FMN2: variants seen among roughly 807,000 people sequenced by gnomAD.
FMN2 encodes the protein formin-2.
FMN2 carries 51 observed loss-of-function variants against 142.3 expected under a neutral mutation model. That is an observed-to-expected ratio of 0.36 (90% CI 0.29 to 0.45). FMN2 has a LOEUF of 0.45. FMN2 is among the 20% of genes least tolerant of loss of function. The pLI is 1.00. For missense variants in FMN2, 1,936 were observed against 2,122.8 expected (o/e 0.91, Z 1.73); for synonymous variants, 882 against 869.8 (o/e 1.01, Z -0.25).
In FMN2 at chr1:240,208,719, C is replaced by T. The variant is rs746599147; in HGVS notation, c.3907C>T (p.Leu1303=). Residue 1303 remains leucine, a synonymous_variant, in exon 5 of 18, where the codon CTA becomes TTA. Coordinates refer to ENST00000319653, the MANE Select transcript of FMN2 (RefSeq NM_020066.5). ...MKPLYWTRIQ[L]HSKRDSSTSL... Reference sequence around the variant, plus strand: ...GCCTCTTTACTGGACCAGGATTCAACTACATAGTAAAAGGTAACATGAAAG... The same window carrying T: ...GCCTCTTTACTGGACCAGGATTCAATTACATAGTAAAAGGTAACATGAAAG... 4.2e-5 allele frequency: 67 copies of T among 1,609,682 alleles called. No homozygotes were observed. The highest frequency in any genetic ancestry group is 3.3e-4 in the Middle Eastern group (2 of 6,058).
At chr1:240,201,164 G>C (rs181494830) in intron 4 of FMN2, among the ~76,000 whole-genome samples, 9 of 151,980 alleles carry the variant, frequency 5.9e-5, no homozygotes, top group Non-Finnish European at 1.0e-4. Context: ...GTTCTGTTAC[G>C]CACTAATAAA....
At chr1:240,366,709 A>G (rs1192834300) in intron 14 of FMN2, among the ~76,000 whole-genome samples, 1 of 151,178 alleles carries the variant, frequency 6.6e-6, no homozygotes, top group Non-Finnish European at 1.5e-5. Flanking sequence ...GAGTCACCAC[A>G]CCTGGCTAAT....
At chr1:240,464,902 TG>T (rs1189609874) in intron 16 of FMN2, among the ~76,000 whole-genome samples, 1 of 152,200 alleles carries the variant, frequency 6.6e-6, no homozygotes, top group Non-Finnish European at 1.5e-5. Context: ...CCTGATCATT[TG>T]GGGTGCAAGC....
chr1:240,327,129 G>A (rs1403504441), intron 8 of FMN2, among the ~76,000 whole-genome samples: 3 of 152,200 alleles, frequency 2.0e-5, no homozygotes, highest in Non-Finnish European at 4.4e-5. Context: ...AGATTACTGT[G>A]CAATTGAAAT....
chr1:240,136,963 G>A (rs892868094), intron 2 of FMN2, among the ~76,000 whole-genome samples: 4 of 151,290 alleles, frequency 2.6e-5, no homozygotes, highest in Non-Finnish European at 5.9e-5. Context: ...CCAGCTACTA[G>A]GGAGGCTGAG....
rs1032854004 is a variant in FMN2, at chr1:240,170,996, G to A, written c.1783-6925G>A. The A allele has an allele frequency of 3.2e-4, 264 of 818,376 alleles. 3 individuals are homozygous for A. The Admixed American group carries it at 4.4e-3, about 14-fold the overall frequency. The allele number at this position is 818,376 out of a possible 1,614,324, so 50.7% of individuals were successfully genotyped here. On this transcript the variant is annotated intron_variant, in intron 2 of 17. Coordinates refer to ENST00000319653, the MANE Select transcript of FMN2 (RefSeq NM_020066.5). ...TGTATTAGGAATGTCAAGGTCGTGA[G>A]AGCAGCACTTGAGGCATGTCAGCAG...
Position 240,333,918 on chromosome 1 carries a change from T to A in FMN2, c.4616T>A (p.Val1539Asp). The change falls in exon 12 of 18, where the codon GTT becomes GAT. Residue 1539 changes from valine to aspartate, a missense_variant. Coordinates refer to ENST00000319653, the MANE Select transcript of FMN2 (RefSeq NM_020066.5). ...AGCAGAAGCCTTTTGTCATATATTG[T>A]TTCGTATTATCTCCGAAATTTTGAT... ...DNSRSLLSYI[V>D]SYYLRNFDED... is the part of the protein sequence containing the mutation. The A allele has an allele frequency of 6.2e-7, 1 of 1,610,796 alleles. No homozygotes were observed. Among genetic ancestry groups the A allele is most frequent in the Middle Eastern group, 1.7e-4 (1 of 5,996 alleles).
chr1:240,292,307 G>A (rs898568101), intron 7 of FMN2, among the ~76,000 whole-genome samples: 21 of 152,046 alleles, frequency 1.4e-4, no homozygotes, highest in African/African-American at 5.1e-4. Context: ...AAGTAAGTAG[G>A]TAAGTACATA....
In FMN2 at chr1:240,396,679, C is replaced by A. The variant is rs368470975; in HGVS notation, c.4910+4117C>A. Among the ~76,000 whole-genome samples the A allele has an allele frequency of 1.9e-4, 29 of 152,220 alleles. 1 individual carries two copies. The highest frequency in any genetic ancestry group is 1.5e-3 in the East Asian group (8 of 5,178). On this transcript the variant is annotated intron_variant, in intron 15 of 17. Coordinates refer to ENST00000319653, the MANE Select transcript of FMN2 (RefSeq NM_020066.5). ...GTCTATGTGTGGTCAGTGTTTAGCTCCCACTTATAAGTGAGAATAGGCAGT... is the reference window on the plus strand; with the variant it reads ...GTCTATGTGTGGTCAGTGTTTAGCTACCACTTATAAGTGAGAATAGGCAGT...
intron 4 of FMN2, among the ~76,000 whole-genome samples, chr1:240,195,835 T>C (rs1160229342): frequency 2.0e-5 from 3 of 151,900 alleles, no homozygotes; most frequent in Non-Finnish European, 4.4e-5. Context: ...ATTGGCAACA[T>C]AGGGAGACCC....
Position 240,093,449 on chromosome 1 carries a change from C to G in FMN2, c.1340C>G (p.Pro447Arg). 6.2e-7 allele frequency: 1 copy of G among 1,613,628 alleles called. No homozygotes were observed. The highest frequency in any genetic ancestry group is 8.5e-7 in the Non-Finnish European group (1 of 1,179,768). The change falls in exon 1 of 18, where the codon CCG (proline) becomes CGG (arginine). Residue 447 changes from proline to arginine, a missense_variant. Coordinates refer to ENST00000319653, the MANE Select transcript of FMN2 (RefSeq NM_020066.5). ...CAGAGCCCCAGGATCAAGAGGCGGC[C>G]GGAACCCTCCCTGAGCCGAGGGTCC... ...PNQSPRIKRR[P>R]EPSLSRGSRT...
At chr1:240,232,266 TTTTTA>T (rs1337651357) in intron 6 of FMN2, among the ~76,000 whole-genome samples, 2 of 92,772 alleles carry the variant, frequency 2.2e-5, no homozygotes, top group Admixed American at 9.2e-5. Context: ...TTTTTTTTTT[TTTTTA>T]AGTAGAGACA....
intron 13 of FMN2, among the ~76,000 whole-genome samples, chr1:240,339,388 A>G (rs1671672214): frequency 6.6e-6 from 1 of 152,130 alleles, no homozygotes; most frequent in South Asian, 2.1e-4. Context: ...AAGCTATAGC[A>G]TAGGTATGTG....
At chr1:240,418,281 C>A (rs1003909583) in intron 15 of FMN2, among the ~76,000 whole-genome samples, 1 of 151,082 alleles carries the variant, frequency 6.6e-6, no homozygotes, top group Non-Finnish European at 1.5e-5. Context: ...CTCACTGCAA[C>A]CTCCACCTCC....
chr1:240,274,168 T>A lies in FMN2; in HGVS notation c.4153+16136T>A, dbSNP rs1572142864. Among the ~76,000 whole-genome samples the A allele has an allele frequency of 2.0e-5, 3 of 149,980 alleles. No individual in the cohort carries two copies. The East Asian group carries it at 5.9e-4, about 29-fold the overall frequency. On this transcript the variant is annotated intron_variant, in intron 7 of 17. Coordinates refer to ENST00000319653, the MANE Select transcript of FMN2 (RefSeq NM_020066.5). ...ATAAAGACAGAGAGACAAAAATCCA[T>A]GTCTGTGTTCCCATAGAAGAAAAAC...
intron 2 of FMN2, among the ~76,000 whole-genome samples, chr1:240,173,742 G>A (rs915001828): frequency 1.3e-5 from 2 of 152,164 alleles, no homozygotes; most frequent in African/African-American, 4.8e-5. Context: ...GTGATGAATG[G>A]GAGGCTTTGA....
At chr1:240,323,081 C>T (rs1306806550) in intron 8 of FMN2, among the ~76,000 whole-genome samples, 3 of 152,054 alleles carry the variant, frequency 2.0e-5, no homozygotes, top group Non-Finnish European at 4.4e-5. Flanking sequence ...GCATTCCTCA[C>T]ACATTGACTC....
chr1:240,259,404 T>C (rs1204774116), intron 7 of FMN2, among the ~76,000 whole-genome samples: 4 of 151,962 alleles, frequency 2.6e-5, no homozygotes, highest in African/African-American at 9.7e-5. Context: ...AGGCAGTAGT[T>C]GAAGGGTCAT....
chr1:240,271,408 C>A, intron 7 of FMN2, among the ~76,000 whole-genome samples: 1 of 145,034 alleles, frequency 6.9e-6, no homozygotes, highest in Non-Finnish European at 1.5e-5. Context: ...CTAGGCTTTT[C>A]AGTGTCTGAT....
Sources: gnomAD v4.1 joint callset for allele counts (sites outside exome capture counted in the v4.1 genomes callset) on GRCh38, gnomAD v4.1.1 for gene constraint, MANE v1.5 for transcripts, NCBI Gene and HGNC (gene_info 2026-07-23, HGNC 2026-07-21) for gene names.